The following PARD3B variants were observed in gnomAD, a reference collection of about 807,000 sequenced individuals.
PARD3B encodes partitioning defective 3 homolog B.
In PARD3B, 103 loss-of-function variants were observed where a neutral mutation model predicts 130.2. That is an observed-to-expected ratio of 0.79 (90% CI 0.67 to 0.93). PARD3B has a LOEUF of 0.93. Among genes scored for constraint, PARD3B ranks in the 40% least tolerant of loss-of-function variants. The pLI is 0.00. For synonymous variants in PARD3B, 583 were observed against 553.2 expected (o/e 1.05, Z -0.76); for missense variants, 1,609 against 1,499.2 (o/e 1.07, Z -1.21).
chr2:205,526,836 A>G (rs1215823836), intron 21 of PARD3B, among the ~76,000 whole-genome samples: 3 of 152,202 alleles, frequency 2.0e-5, no homozygotes, highest in Non-Finnish European at 4.4e-5. Flanking sequence ...CTGTTTAGAA[A>G]TGGCCTCTGG....
chr2:204,684,552 A>G (rs1391838668), intron 1 of PARD3B, among the ~76,000 whole-genome samples: 1 of 152,144 alleles, frequency 6.6e-6, no homozygotes, highest in Non-Finnish European at 1.5e-5. Context: ...GGAGAGCTGT[A>G]TTGTCCAGTG....
In PARD3B at chr2:205,505,246, G is replaced by C. The variant is rs184978313; in HGVS notation, c.3180+5215G>C. Reference sequence around the variant, plus strand: ...GACACACTGGGGCCTGTTGTGGGGTGGGGGGAGTGGGGAGGGATAGCATTA... The same window carrying C: ...GACACACTGGGGCCTGTTGTGGGGTCGGGGGAGTGGGGAGGGATAGCATTA... On this transcript the variant is annotated intron_variant, in intron 21 of 22. Transcript: ENST00000406610. Among the ~76,000 whole-genome samples, 660 of 152,028 alleles carry C rather than the reference G, an allele frequency of 4.3e-3. 9 individuals carry two copies. Among genetic ancestry groups the C allele is most frequent in the South Asian group, 6.7e-3 (32 of 4,796 alleles).
chr2:205,350,620 T>C (rs1161638100), intron 18 of PARD3B, among the ~76,000 whole-genome samples: 1 of 152,192 alleles, frequency 6.6e-6, no homozygotes, highest in Admixed American at 6.5e-5. Context: ...CTTTATTGTC[T>C]TTTTATAACT....
At chr2:205,609,791 T>A (rs1313655520) in intron 22 of PARD3B, among the ~76,000 whole-genome samples, 1 of 152,212 alleles carries the variant, frequency 6.6e-6, no homozygotes, top group Non-Finnish European at 1.5e-5. Flanking sequence ...TATCTTCTAG[T>A]TGCTGATGTG....
chr2:205,531,728 C>T (rs2051603713), intron 21 of PARD3B, among the ~76,000 whole-genome samples: 2 of 151,780 alleles, frequency 1.3e-5, no homozygotes, highest in Non-Finnish European at 2.9e-5. Flanking sequence ...ATCATTTTAT[C>T]GTCTTCCAAA....
intron 4 of PARD3B, among the ~76,000 whole-genome samples, chr2:205,098,274 T>G (rs758652997): frequency 3.6e-4 from 55 of 152,212 alleles, no homozygotes; most frequent in Non-Finnish European, 6.5e-4. Context: ...AAATCTTGTT[T>G]TTAAATGCAC....
intron 16 of PARD3B, among the ~76,000 whole-genome samples, chr2:205,279,077 A>AC (rs1559615973): frequency 1.1e-4 from 17 of 149,156 alleles, no homozygotes; most frequent in Non-Finnish European, 2.2e-4. Flanking sequence ...TCTCAAAAAA[A>AC]AAAAAAAAAA....
chr2:205,480,661 T>C (rs1021360866), intron 20 of PARD3B, among the ~76,000 whole-genome samples: 6 of 152,176 alleles, frequency 3.9e-5, no homozygotes, highest in Admixed American at 1.3e-4. Flanking sequence ...GTTCCTTAGT[T>C]CATGTGGTAG....
chr2:205,532,496 T>C (rs1327859891), intron 21 of PARD3B, among the ~76,000 whole-genome samples: 1 of 152,124 alleles, frequency 6.6e-6, no homozygotes, highest in African/African-American at 2.4e-5. Flanking sequence ...GGGGGGGAAA[T>C]GGTTCAGAGT....
chr2:204,954,719 C>T (rs1358191074), intron 2 of PARD3B, among the ~76,000 whole-genome samples: 1 of 152,190 alleles, frequency 6.6e-6, no homozygotes, highest in African/African-American at 2.4e-5. Flanking sequence ...GCCCATTGCA[C>T]CTGCTCCGGC....
Position 205,121,468 on chromosome 2 carries a change from A to G in PARD3B, c.807-123A>G. 4.8e-6 allele frequency: 4 copies of G among 831,166 alleles called. No homozygotes were observed. Among genetic ancestry groups the G allele is most frequent in the Admixed American group, 2.3e-5 (1 of 44,022 alleles). 51.5% of individuals were successfully genotyped at this position (831,166 alleles called of 1,614,324 possible). A position where few individuals can be genotyped will look rare whatever the true frequency, so the allele number is the denominator to read the frequency against. ...AGTTGGCAAAGTCATTCTGATAGGA[A>G]TATTGATCGTGTCTCCTATGATTAG... On this transcript the variant is annotated intron_variant, in intron 7 of 22. Transcript: ENST00000406610. This position sits in a 1 kb window ranked among gnomAD's most constrained non-coding sequence, Gnocchi z 5.0.
rs1342797360 is a variant in PARD3B, at chr2:205,241,928, A to G, written c.2141-3850A>G. ...GTGAGTTATAAAGGAAGTTGGTATT[A>G]ATTATAACACTTGCCATTTAAAAAA... On this transcript the variant is annotated intron_variant, in intron 15 of 22. Transcript: ENST00000406610. This position sits in a 1 kb window ranked among gnomAD's most constrained non-coding sequence, Gnocchi z 4.2. 6.6e-6 allele frequency among the ~76,000 whole-genome samples: 1 copy of G among 152,178 alleles called. No homozygotes were observed. The highest frequency in any genetic ancestry group is 1.5e-5 in the Non-Finnish European group (1 of 68,006).
In PARD3B at chr2:205,440,626, T is replaced by TA; in HGVS notation, c.2999dup (p.Tyr1000Ter). The change falls in exon 20 of 23, where the codon TAT becomes TAAT. Residue 1000 changes from tyrosine to a stop codon, truncating the protein, a stop_gained and frameshift_variant. Coordinates refer to ENST00000406610, the MANE Select transcript of PARD3B (RefSeq NM_001302769.2). LOFTEE classifies it high-confidence loss of function. This position sits in a 1 kb window ranked among gnomAD's most constrained non-coding sequence, Gnocchi z 4.2. ...SPERDHLEGL[Y>*]AKVNKPYHPL... Reference sequence around the variant, plus strand: ...AGAAAGAGACCACTTAGAGGGTCTCTATGCCAAGGTCAACAAGCCATACCA... The same window carrying TA: ...AGAAAGAGACCACTTAGAGGGTCTCTAATGCCAAGGTCAACAAGCCATACCA... 1 of 1,613,972 alleles carries TA rather than the reference T, an allele frequency of 6.2e-7. No homozygotes were observed. Among genetic ancestry groups the TA allele is most frequent in the Non-Finnish European group, 8.5e-7 (1 of 1,179,918 alleles).
intron 2 of PARD3B, among the ~76,000 whole-genome samples, chr2:204,937,358 C>G (rs995501545): frequency 6.6e-6 from 1 of 152,152 alleles, no homozygotes; most frequent in East Asian, 1.9e-4. Context: ...TTGACTGGTA[C>G]TTGACTGTAG....
chr2:204,991,183 A>G (rs112312177), intron 3 of PARD3B, among the ~76,000 whole-genome samples: 4,833 of 150,376 alleles, frequency 0.032, 117 homozygotes, highest in Middle Eastern at 0.055. Flanking sequence ...CCACTAACGC[A>G]TCATCTAGCA....
At chr2:204,991,031 G>A (rs886653479) in intron 3 of PARD3B, among the ~76,000 whole-genome samples, 1 of 151,066 alleles carries the variant, frequency 6.6e-6, no homozygotes, top group Non-Finnish European at 1.5e-5. Context: ...TAGTATTTCT[G>A]TGTCTGCTTC....
rs56351856 is a variant in PARD3B, at chr2:205,377,878, C to G, written c.2631-23135C>G. Among the ~76,000 whole-genome samples, 4 of 147,386 alleles carry G rather than the reference C, an allele frequency of 2.7e-5. No homozygotes were observed. In the South Asian group the frequency reaches 8.4e-4, roughly 31 times the overall value. Reference sequence around the variant, plus strand: ...CTCCGTCTTCTGGGTTCAAGTGATTCTCCTGCCTCAGCCTCCCAAGTAGCT... The same window carrying G: ...CTCCGTCTTCTGGGTTCAAGTGATTGTCCTGCCTCAGCCTCCCAAGTAGCT... On this transcript the variant is annotated intron_variant, in intron 18 of 22. Transcript: ENST00000406610.
At chr2:205,467,806 G>A (rs1034011196) in intron 20 of PARD3B, among the ~76,000 whole-genome samples, 1 of 152,150 alleles carries the variant, frequency 6.6e-6, no homozygotes, top group African/African-American at 2.4e-5. Context: ...TTTCATGGTA[G>A]TTCCTGAAGC....
chr2:204,741,268 A>G (rs2039997814), intron 2 of PARD3B, among the ~76,000 whole-genome samples: 2 of 152,212 alleles, frequency 1.3e-5, no homozygotes, highest in Admixed American at 6.5e-5. Flanking sequence ...AAATGAAATT[A>G]TATTTGCCTT....
Sources: allele counts gnomAD v4.1 joint callset (sites outside exome capture counted in the v4.1 genomes callset), GRCh38; gene constraint gnomAD v4.1.1; non-coding constraint Gnocchi (gnomAD v3.1); transcripts MANE v1.5; gene names NCBI Gene and HGNC (gene_info 2026-07-23, HGNC 2026-07-21).